STK4: variants seen among roughly 807,000 people sequenced by gnomAD.
STK4 encodes the protein serine/threonine kinase 4, also known as serine/threonine-protein kinase 4.
In STK4, 30 loss-of-function variants were observed where a neutral mutation model predicts 64.9. The ratio of observed to expected loss-of-function variants is 0.46; its 90% CI spans 0.35 to 0.63. The LOEUF is 0.63. Among genes scored for constraint, STK4 ranks in the 20% least tolerant of loss-of-function variants. The pLI is 0.01. For synonymous variants in STK4, 177 were observed against 199.0 expected (o/e 0.89, Z 0.93); for missense variants, 466 against 598.5 (o/e 0.78, Z 2.31).
chr20:45,021,936 C>T (rs1057369730), intron 9 of STK4, among the ~76,000 whole-genome samples: 1 of 152,196 alleles, frequency 6.6e-6, no homozygotes, highest in African/African-American at 2.4e-5. Flanking sequence ...CTGCAGGGAA[C>T]ATTAGATATA....
intron 9 of STK4, 46 bp from the exon 10 acceptor site, chr20:45,024,927 A>C: frequency 6.7e-7 from 1 of 1,481,552 alleles, no homozygotes; most frequent in African/African-American, 1.4e-5. Context: ...AACTTACCTA[A>C]AATTTAGAAT....
intron 5 of STK4, among the ~76,000 whole-genome samples, chr20:44,989,297 C>G (rs963737600): frequency 1.1e-4 from 16 of 152,160 alleles, no homozygotes; most frequent in African/African-American, 3.9e-4. Flanking sequence ...TTGATTATAA[C>G]CATCCTAGTG....
chr20:44,979,944 C>T lies in STK4; in HGVS notation c.245+1373C>T, dbSNP rs150968352. ...ACTTTGTCACTTTCGATAGACTGTGCGGGAGCTGTGTTCCAAACAGAGTAT... is the reference window on the plus strand; with the variant it reads ...ACTTTGTCACTTTCGATAGACTGTGTGGGAGCTGTGTTCCAAACAGAGTAT... On this transcript the variant is annotated intron_variant, in intron 3 of 10. Transcript: ENST00000372806. Among the ~76,000 whole-genome samples, 312 of 152,100 alleles carry T rather than the reference C, an allele frequency of 2.1e-3. 1 individual carries two copies. Among genetic ancestry groups the T allele is most frequent in the African/African-American group, 6.4e-3 (266 of 41,446 alleles).
chr20:45,066,018 T>C (rs1357884213), intron 10 of STK4, among the ~76,000 whole-genome samples: 1 of 152,142 alleles, frequency 6.6e-6, no homozygotes. Context: ...TGCTGGCAAT[T>C]TGGATTTGCC....
chr20:45,062,474 C>A (rs966402538), intron 10 of STK4, among the ~76,000 whole-genome samples: 1 of 152,208 alleles, frequency 6.6e-6, no homozygotes, highest in Non-Finnish European at 1.5e-5. Flanking sequence ...AATGGTAATG[C>A]TGTTTTAAGT....
intron 10 of STK4, among the ~76,000 whole-genome samples, chr20:45,065,561 G>C (rs1262521139): frequency 6.6e-6 from 1 of 152,070 alleles, no homozygotes; most frequent in Non-Finnish European, 1.5e-5. Flanking sequence ...AGTAGGATTG[G>C]TACCAACTCT....
intron 1 of STK4, among the ~76,000 whole-genome samples, chr20:44,970,348 T>C (rs771375025): frequency 1.7e-4 from 26 of 152,330 alleles, no homozygotes; most frequent in Non-Finnish European, 2.8e-4. Flanking sequence ...GTAGTTGAAA[T>C]AGTGACTTTT....
rs71197599 is a variant in STK4 at position 45,062,989 on chromosome 20, C to CTTTTTTTTTTTTTTTTT, written c.1306-12015_1306-11999dup. On this transcript the variant is annotated intron_variant, in intron 10 of 10. Transcript: ENST00000372806. ...ACAGGTGTGAGCCACCGCACCCGGC[C>CTTTTTTTTTTTTTTTTT]TTTTTTTTTTTTTTTTTTTTTTTTT... is the stretch of plus-strand genomic sequence containing the variant. Among the ~76,000 whole-genome samples, 19 of 31,500 alleles carry CTTTTTTTTTTTTTTTTT rather than the reference C, an allele frequency of 6.0e-4. 7 individuals carry two copies. The highest frequency in any genetic ancestry group is 1.1e-3 in the Non-Finnish European group (18 of 17,128). The allele number at this position is 31,500 out of a possible 152,430, so 20.7% of individuals were successfully genotyped here.
intron 10 of STK4, among the ~76,000 whole-genome samples, chr20:45,051,046 C>T (rs2068768885): frequency 6.6e-6 from 1 of 152,154 alleles, no homozygotes; most frequent in Non-Finnish European, 1.5e-5. Context: ...CTTGTTTTTA[C>T]AGATAGAAAC....
intron 10 of STK4, among the ~76,000 whole-genome samples, chr20:45,048,224 C>T (rs2068725488): frequency 6.6e-6 from 1 of 152,128 alleles, no homozygotes; most frequent in Non-Finnish European, 1.5e-5. Flanking sequence ...CTCTAGGCTT[C>T]TCACCCAACC....
chr20:44,980,879 AG>A (rs2067425924), intron 3 of STK4, among the ~76,000 whole-genome samples: 1 of 152,132 alleles, frequency 6.6e-6, no homozygotes, highest in Admixed American at 6.5e-5. Flanking sequence ...CATGTTAGCC[AG>A]GATGGTCTCG....
intron 10 of STK4, among the ~76,000 whole-genome samples, chr20:45,033,471 C>T (rs576218338): frequency 3.3e-5 from 5 of 152,136 alleles, no homozygotes; most frequent in South Asian, 2.1e-4. Context: ...GAGGGGGGTC[C>T]AGTTTCAGTC....
chr20:44,981,417 A>G (rs1471236565), intron 3 of STK4, among the ~76,000 whole-genome samples: 1 of 151,958 alleles, frequency 6.6e-6, no homozygotes, highest in Non-Finnish European at 1.5e-5. Context: ...GGCCTCCCAA[A>G]GTGTTGGGAT....
chr20:45,012,649 A>G (rs893096822), intron 9 of STK4, among the ~76,000 whole-genome samples: 1 of 152,156 alleles, frequency 6.6e-6, no homozygotes, highest in African/African-American at 2.4e-5. Flanking sequence ...ATAGACAACT[A>G]CTGTAGATAT....
chr20:45,060,258 AGTT>A (rs1436689611), intron 10 of STK4, among the ~76,000 whole-genome samples: 1 of 152,120 alleles, frequency 6.6e-6, no homozygotes, highest in Non-Finnish European at 1.5e-5. Flanking sequence ...AGGAATTGGG[AGTT>A]GTTGTTAGTA....
chr20:44,986,639 A>G (rs1450508027), intron 4 of STK4, among the ~76,000 whole-genome samples: 2 of 152,276 alleles, frequency 1.3e-5, no homozygotes, highest in East Asian at 3.9e-4. Flanking sequence ...CAGTCGGGAG[A>G]TTATGAGAAT....
At chr20:45,028,200 C>G (rs1375200259) in intron 10 of STK4, among the ~76,000 whole-genome samples, 1 of 152,040 alleles carries the variant, frequency 6.6e-6, no homozygotes, top group Non-Finnish European at 1.5e-5. Flanking sequence ...TTTTTATAAT[C>G]GTTTTATTAC....
At chr20:44,976,942 C>G (rs1355626629) in intron 2 of STK4, among the ~76,000 whole-genome samples, 1 of 152,096 alleles carries the variant, frequency 6.6e-6, no homozygotes, top group Non-Finnish European at 1.5e-5. Context: ...TGTCTCCTAC[C>G]AGGGAAGAAA....
At chr20:44,976,752 T>C (rs1004982157) in intron 2 of STK4, among the ~76,000 whole-genome samples, 1 of 152,162 alleles carries the variant, frequency 6.6e-6, no homozygotes, top group Non-Finnish European at 1.5e-5. Flanking sequence ...CATTAAGAAC[T>C]AAATAATACA....
Sources: allele counts gnomAD v4.1 joint callset (sites outside exome capture counted in the v4.1 genomes callset), GRCh38; gene constraint gnomAD v4.1.1; transcripts MANE v1.5; gene names NCBI Gene and HGNC (gene_info 2026-07-23, HGNC 2026-07-21).